Variants in MAPKAP1 observed in about 807,000 individuals in gnomAD.
MAPKAP1 encodes MAPK associated protein 1, also known as target of rapamycin complex 2 subunit MAPKAP1.
Under a neutral mutation model 65.7 loss-of-function variants are expected in MAPKAP1, and 20 were observed. The ratio of observed to expected loss-of-function variants is 0.30; its 90% CI spans 0.21 to 0.44. The LOEUF (loss-of-function observed/expected upper bound fraction) is 0.44, where lower values mean the gene tolerates loss of function less well. Ranked by LOEUF, MAPKAP1 falls within the 20% of genes least tolerant of loss-of-function variation. The pLI, the probability that MAPKAP1 is intolerant of heterozygous loss-of-function variation, is 1.00. For missense variants in MAPKAP1, 423 were observed against 648.0 expected (o/e 0.65, Z 3.77); for synonymous variants, 222 against 244.3 (o/e 0.91, Z 0.85).
chr9:125,497,342 T>C (rs563041662), intron 8 of MAPKAP1, among the ~76,000 whole-genome samples: 6 of 152,214 alleles, frequency 3.9e-5, no homozygotes, highest in Non-Finnish European at 7.3e-5. Context: ...GAAGCTGAAT[T>C]AATGTTTACA....
intron 1 of MAPKAP1, among the ~76,000 whole-genome samples, chr9:125,698,277 TAATATATATA>T (rs1431865581): frequency 1.8e-3 from 73 of 39,958 alleles, no homozygotes; most frequent in South Asian, 6.2e-3. Flanking sequence ...ATATAATACA[TAATATATATA>T]AATATATATA....
intron 7 of MAPKAP1, among the ~76,000 whole-genome samples, chr9:125,525,772 T>G (rs1465729054): frequency 6.6e-6 from 1 of 150,658 alleles, no homozygotes; most frequent in East Asian, 1.9e-4. Flanking sequence ...AGAACCCAGG[T>G]CTTAACTAAG....
intron 7 of MAPKAP1, among the ~76,000 whole-genome samples, chr9:125,533,231 C>T (rs907292836): frequency 5.3e-5 from 8 of 152,064 alleles, no homozygotes; most frequent in Non-Finnish European, 8.8e-5. Context: ...ATAGTCGTGA[C>T]TGACCAAAGA....
At chr9:125,588,942 G>A (rs532064631) in intron 4 of MAPKAP1, among the ~76,000 whole-genome samples, 3 of 152,278 alleles carry the variant, frequency 2.0e-5, no homozygotes, top group South Asian at 4.1e-4. Context: ...ATACCAGCAC[G>A]TGTGCCTGTG....
At chr9:125,527,230 C>T (rs1829799030) in intron 7 of MAPKAP1, among the ~76,000 whole-genome samples, 1 of 152,036 alleles carries the variant, frequency 6.6e-6, no homozygotes, top group Non-Finnish European at 1.5e-5. Flanking sequence ...CCATGCCCAG[C>T]TAATTTTTTG....
intron 6 of MAPKAP1, among the ~76,000 whole-genome samples, chr9:125,544,230 G>C (rs543443755): frequency 6.6e-6 from 1 of 151,840 alleles, no homozygotes; most frequent in East Asian, 1.9e-4. Flanking sequence ...GGCTGGTCTT[G>C]AACTCCTGAC....
intron 4 of MAPKAP1, among the ~76,000 whole-genome samples, chr9:125,586,802 G>C (rs990953330): frequency 6.6e-5 from 10 of 152,050 alleles, no homozygotes; most frequent in Non-Finnish European, 1.5e-4. Flanking sequence ...CACAGAAAAC[G>C]AGTTCAAATC....
chr9:125,653,736 T>C (rs829315), intron 4 of MAPKAP1, among the ~76,000 whole-genome samples: 140,863 of 152,240 alleles, frequency 0.93, 66,044 homozygotes, highest in East Asian at 1. Flanking sequence ...CAGAATAGGT[T>C]GCTTTATTAA....
intron 5 of MAPKAP1, 33 bp downstream of exon 5, chr9:125,585,522 G>A: frequency 6.2e-7 from 1 of 1,605,328 alleles, no homozygotes; most frequent in Non-Finnish European, 8.5e-7. Flanking sequence ...AAGACCACAA[G>A]AAACTAGAGC....
At chr9:125,657,320 T>C (rs1834060284) in intron 4 of MAPKAP1, among the ~76,000 whole-genome samples, 1 of 151,922 alleles carries the variant, frequency 6.6e-6, no homozygotes, top group East Asian at 1.9e-4. Flanking sequence ...TAAACATATG[T>C]ATATACATAT....
chr9:125,476,782 C>G (rs1446177288), intron 9 of MAPKAP1, among the ~76,000 whole-genome samples: 1 of 152,152 alleles, frequency 6.6e-6, no homozygotes, highest in African/African-American at 2.4e-5. Context: ...TAAATAATAA[C>G]TGCGGTAGGA....
intron 1 of MAPKAP1, among the ~76,000 whole-genome samples, chr9:125,696,979 T>C (rs1158567014): frequency 6.6e-6 from 1 of 152,038 alleles, no homozygotes; most frequent in Non-Finnish European, 1.5e-5. Context: ...GAGATAGGAG[T>C]GGACTCCCTC....
intron 1 of MAPKAP1, among the ~76,000 whole-genome samples, chr9:125,697,329 T>G (rs1314143723): frequency 6.6e-6 from 1 of 152,246 alleles, no homozygotes; most frequent in Non-Finnish European, 1.5e-5. Context: ...ATATCAATTT[T>G]AAACTATGAT....
In MAPKAP1 at chr9:125,513,553, G is replaced by A. The variant is rs1405680271; in HGVS notation, c.959-7136C>T. ...AACGCTGCCAGCTATGCATCCTTGG[G>A]AAGGAATTTAAACTCATCTGTAAAA... On this transcript the variant is annotated intron_variant, in intron 7 of 11. Transcript: ENST00000265960. Among the ~76,000 whole-genome samples, 6 of 152,190 alleles carry A rather than the reference G, an allele frequency of 3.9e-5. 1 individual carries two copies. The highest frequency in any genetic ancestry group is 7.3e-5 in the Non-Finnish European group (5 of 68,032).
At chr9:125,632,785 C>T (rs1187674645) in intron 4 of MAPKAP1, among the ~76,000 whole-genome samples, 2 of 152,176 alleles carry the variant, frequency 1.3e-5, no homozygotes, top group Non-Finnish European at 2.9e-5. Context: ...TCCAGTTTGA[C>T]ATAAATCCAT....
In MAPKAP1 at chr9:125,585,698, C is replaced by T. The variant is rs746222671; in HGVS notation, c.528G>A (p.Lys176=). 4 of 1,614,080 alleles carry T rather than the reference C, an allele frequency of 2.5e-6. No homozygotes were observed. The highest frequency in any genetic ancestry group is 3.4e-6 in the Non-Finnish European group (4 of 1,180,046). ...KGHVGTTATK[K]IDVYLPLHSS... is the part of the protein sequence containing the mutation. The stretch of plus-strand genomic sequence containing the variant: ...AGTGCAGAGGGAGGTAGACATCGAT[C>T]TTCTTGGTTGCTGTTGTACCTACAT... The change falls in exon 5 of 12, where the codon AAG becomes AAA. Residue 176 remains lysine, a synonymous_variant. Coordinates refer to ENST00000265960, the MANE Select transcript of MAPKAP1 (RefSeq NM_001006617.3).
At chr9:125,448,650 A>C (rs922008784) in intron 10 of MAPKAP1, among the ~76,000 whole-genome samples, 6 of 152,222 alleles carry the variant, frequency 3.9e-5, no homozygotes, top group African/African-American at 1.2e-4. Flanking sequence ...TCATAGGAAC[A>C]GGGTTAAGTC....
chr9:125,698,334 T>TAA (rs1264268479), intron 1 of MAPKAP1, among the ~76,000 whole-genome samples: 45 of 112,226 alleles, frequency 4.0e-4, no homozygotes, highest in Admixed American at 8.7e-4. Flanking sequence ...TATATATATA[T>TAA]ATAAAATATA....
At chr9:125,650,663 C>T (rs1211655236) in intron 4 of MAPKAP1, among the ~76,000 whole-genome samples, 1 of 152,164 alleles carries the variant, frequency 6.6e-6, no homozygotes, top group East Asian at 1.9e-4. Context: ...GGCTCCACAA[C>T]AAAGGAAGCC....
Sources: gnomAD v4.1 joint callset for allele counts (sites outside exome capture counted in the v4.1 genomes callset) on GRCh38, gnomAD v4.1.1 for gene constraint, MANE v1.5 for transcripts, NCBI Gene and HGNC (gene_info 2026-07-23, HGNC 2026-07-21) for gene names.